Variants in JARID2 observed in about 807,000 individuals in gnomAD.
The protein encoded by JARID2 is protein Jumonji.
In JARID2, 21 loss-of-function variants were observed where a neutral mutation model predicts 125.6. The observed-to-expected ratio is 0.17, with a 90% confidence interval of 0.12 to 0.24. The LOEUF is 0.24. JARID2 is among the 10% of genes least tolerant of loss of function. The pLI, the probability that JARID2 is intolerant of heterozygous loss-of-function variation, is 1.00. For missense variants in JARID2, 1,303 were observed against 1,639.6 expected, an observed-to-expected ratio of 0.79 and a Z score of 3.55; for synonymous variants, 736 against 661.6, an observed-to-expected ratio of 1.11 and a Z score of -1.73.
intron 11 of JARID2, 60 bp from the exon 12 acceptor site, chr6:15,508,280 T>C (rs534280011): frequency 1.2e-6 from 1 of 841,654 alleles, no homozygotes; most frequent in Admixed American, 1.8e-5. Flanking sequence ...TTACTTACTG[T>C]TCCTTTGAGA....
chr6:15,476,349 TCTGGCCTCATGGCAGA>T (rs1769339990), intron 5 of JARID2, among the ~76,000 whole-genome samples: 1 of 152,192 alleles, frequency 6.6e-6, no homozygotes, highest in Admixed American at 6.5e-5. Context: ...AGCCGGGACC[TCTGGCCTCATGGCAGA>T]GGTGGCAGGA....
intron 2 of JARID2, among the ~76,000 whole-genome samples, chr6:15,374,585 G>C (rs1037335569): frequency 6.6e-6 from 1 of 152,148 alleles, no homozygotes; most frequent in Non-Finnish European, 1.5e-5. Context: ...TTTAGTTCTT[G>C]TCCCCGGGTT....
intron 17 of JARID2, 45 bp downstream of exon 17, chr6:15,517,313 C>T (rs761601544): frequency 6.6e-6 from 9 of 1,355,892 alleles, no homozygotes; most frequent in Admixed American, 3.4e-5. Flanking sequence ...AGCGTGGCGC[C>T]TTCCCTGCTC....
At chr6:15,284,924 C>CTGGTAGAGTCACCCTAAGA (rs1760935210) in intron 1 of JARID2, among the ~76,000 whole-genome samples, 1 of 152,074 alleles carries the variant, frequency 6.6e-6, no homozygotes, top group Non-Finnish European at 1.5e-5. Flanking sequence ...TTAGTTGGGT[C>CTGGTAGAGTCACCCTAAGA]TGGTAGAGTC....
chr6:15,331,831 C>T (rs578038740), intron 1 of JARID2, among the ~76,000 whole-genome samples: 50 of 152,258 alleles, frequency 3.3e-4, no homozygotes, highest in African/African-American at 1.0e-3. Context: ...ATAAAAAGTA[C>T]GGTGGGACCC....
intron 1 of JARID2, among the ~76,000 whole-genome samples, chr6:15,365,306 C>T (rs1217192195): frequency 6.6e-6 from 1 of 152,060 alleles, no homozygotes; most frequent in Admixed American, 6.5e-5. Context: ...GATCTTGGGT[C>T]TTTTTTGATT....
intron 1 of JARID2, among the ~76,000 whole-genome samples, chr6:15,345,303 A>G (rs1043792941): frequency 4.3e-4 from 65 of 152,228 alleles, no homozygotes; most frequent in Admixed American, 4.1e-3. Flanking sequence ...TGGAAGTACA[A>G]AAATTCACCA....
chr6:15,381,523 A>G (rs533375405), intron 2 of JARID2, among the ~76,000 whole-genome samples: 9 of 152,194 alleles, frequency 5.9e-5, no homozygotes, highest in African/African-American at 2.2e-4. Context: ...CCCTGATGTG[A>G]GGACACACTC....
At chr6:15,415,943 C>T (rs1177193281) in intron 3 of JARID2, among the ~76,000 whole-genome samples, 15 of 150,924 alleles carry the variant, frequency 9.9e-5, no homozygotes, top group South Asian at 2.1e-4. Flanking sequence ...GGGTGGCTGC[C>T]GGGCGGAGGG....
rs560259157 is a variant in JARID2, at chr6:15,520,381, G to T, written c.*130G>T. 51 of 723,294 alleles carry T rather than the reference G, an allele frequency of 7.1e-5. No individual in the cohort carries two copies. The highest frequency in any genetic ancestry group is 9.9e-5 in the Non-Finnish European group (47 of 475,228). 44.8% of individuals were successfully genotyped at this position (723,294 alleles called of 1,614,324 possible). On this transcript the variant is annotated 3_prime_UTR_variant, in exon 18 of 18. Coordinates refer to ENST00000341776, the MANE Select transcript of JARID2 (RefSeq NM_004973.4). ...AAGAAGATTTTCTTCTGGTTTTAGA[G>T]AACTAATTTTGTTTTAGCATTAAAC...
chr6:15,377,661 T>C (rs1278665989), intron 2 of JARID2, among the ~76,000 whole-genome samples: 7 of 151,722 alleles, frequency 4.6e-5, no homozygotes, highest in Admixed American at 4.6e-4. Context: ...TTACAAATTA[T>C]AGTAATAATA....
At chr6:15,442,605 C>T (rs376357424) in intron 3 of JARID2, among the ~76,000 whole-genome samples, 1 of 152,276 alleles carries the variant, frequency 6.6e-6, no homozygotes, top group Admixed American at 6.5e-5. Context: ...CTCATAACAA[C>T]GGGGTTATGC....
chr6:15,501,495 G>A (rs41267698), intron 8 of JARID2, 86 bp downstream of exon 8: 188,816 of 1,326,468 alleles, frequency 0.14, 14,436 homozygotes, highest in African/African-American at 0.17. Flanking sequence ...TGCACTGGAC[G>A]GTGTGTTCTC....
chr6:15,514,150 C>T (rs1771431328), intron 16 of JARID2, among the ~76,000 whole-genome samples: 1 of 135,856 alleles, frequency 7.4e-6, no homozygotes, highest in Non-Finnish European at 1.6e-5. Flanking sequence ...TCAGAAAAGC[C>T]CTTCCATGGC....
chr6:15,323,920 T>C lies in JARID2; in HGVS notation c.46-50197T>C, dbSNP rs183420661. ...AAAAAAGGCTGGGCGTGGTGGCTCA[T>C]GCCTGTAATCCCAGCATTTTGGGAG... is the stretch of plus-strand genomic sequence containing the variant. On this transcript the variant is annotated intron_variant, in intron 1 of 17. Coordinates refer to ENST00000341776, the MANE Select transcript of JARID2 (RefSeq NM_004973.4). Among the ~76,000 whole-genome samples, 630 of 151,440 alleles carry C rather than the reference T, an allele frequency of 4.2e-3. 2 individuals are homozygous for C. The highest frequency in any genetic ancestry group is 6.5e-3 in the East Asian group (33 of 5,094).
intron 6 of JARID2, among the ~76,000 whole-genome samples, chr6:15,489,743 T>C (rs1473921364): frequency 6.6e-6 from 1 of 152,140 alleles, no homozygotes; most frequent in African/African-American, 2.4e-5. Context: ...GTCCTCTGAG[T>C]TAGTGCAGGA....
chr6:15,306,137 C>T (rs756942660), intron 1 of JARID2, among the ~76,000 whole-genome samples: 7 of 152,138 alleles, frequency 4.6e-5, no homozygotes, highest in Middle Eastern at 3.4e-3. Flanking sequence ...TTCAGCTTTT[C>T]GTACTTTGAG....
At position 15,521,249 on chromosome 6, in the gene JARID2, C is replaced by T. The variant is rs768387046; in HGVS notation, c.*998C>T. 3.9e-5 allele frequency: 6 copies of T among 152,512 alleles called. No individual in the cohort carries two copies. Among genetic ancestry groups the T allele is most frequent in the South Asian group, 2.1e-4 (1 of 4,868 alleles). The allele number at this position is 152,512 out of a possible 1,614,324, so 9.4% of individuals were successfully genotyped here. The stretch of plus-strand genomic sequence containing the variant: ...GTTTCATTTATGATCATGTAGAGAG[C>T]CACTAGGAGGCCTGCAGTTATTTTT... On this transcript the variant is annotated 3_prime_UTR_variant, in exon 18 of 18. Transcript: ENST00000341776.
intron 9 of JARID2, among the ~76,000 whole-genome samples, chr6:15,505,755 C>T (rs920402875): frequency 9.2e-5 from 14 of 152,280 alleles, no homozygotes; most frequent in African/African-American, 2.4e-4. Context: ...TCATGATTAC[C>T]GTGCTGCAGC....
Sources: gnomAD v4.1 joint callset for allele counts (sites outside exome capture counted in the v4.1 genomes callset) on GRCh38, gnomAD v4.1.1 for gene constraint, MANE v1.5 for transcripts, NCBI Gene and HGNC (gene_info 2026-07-23, HGNC 2026-07-21) for gene names.